APIP: variants seen among roughly 807,000 people sequenced by gnomAD.
The protein encoded by APIP is APAF1 interacting protein.
A neutral mutation model predicts 32.0 loss-of-function variants in APIP; 32 were observed. The ratio of observed to expected loss-of-function variants is 1.00; its 90% CI spans 0.76 to 1.34. The LOEUF is 1.34. Among genes scored for constraint, APIP ranks in the 40% most tolerant of loss-of-function variants. The pLI, the probability that APIP is intolerant of heterozygous loss-of-function variation, is 0.00. For synonymous variants in APIP, 92 were observed against 94.8 expected (o/e 0.97, Z 0.17); for missense variants, 247 against 298.6 (o/e 0.83, Z 1.27).
intron 3 of APIP, among the ~76,000 whole-genome samples, 199 bp from the exon 4 acceptor site, chr11:34,889,068 T>C (rs112521169): frequency 6.6e-6 from 1 of 152,046 alleles, no homozygotes; most frequent in African/African-American, 2.4e-5. Context: ...TATATAATTA[T>C]AGTTTCTCAA....
intron 1 of APIP, among the ~76,000 whole-genome samples, chr11:34,914,193 A>C (rs943426903): frequency 6.6e-6 from 1 of 152,186 alleles, no homozygotes; most frequent in African/African-American, 2.4e-5. Context: ...TCATATCGTC[A>C]TATGTCAAAC....
intron 1 of APIP, among the ~76,000 whole-genome samples, chr11:34,900,696 A>AG (rs1463848046): frequency 2.0e-5 from 3 of 152,124 alleles, no homozygotes; most frequent in Non-Finnish European, 4.4e-5. Flanking sequence ...GAGATAGGGA[A>AG]GGTGAGGAAG....
chr11:34,903,366 A>G (rs1448093967), intron 1 of APIP, among the ~76,000 whole-genome samples: 1 of 152,252 alleles, frequency 6.6e-6, no homozygotes, highest in African/African-American at 2.4e-5. Flanking sequence ...CTCTCCCTCC[A>G]GGCACAAGTG....
chr11:34,890,444 T>A, intron 3 of APIP, 60 bp downstream of exon 3: 1 of 1,474,020 alleles, frequency 6.8e-7, no homozygotes, highest in Non-Finnish European at 9.2e-7. Flanking sequence ...ATTAATTCCA[T>A]TTCATAAAAC....
intron 1 of APIP, among the ~76,000 whole-genome samples, chr11:34,900,566 A>C (rs1459368826): frequency 7.9e-5 from 12 of 152,110 alleles, no homozygotes; most frequent in Non-Finnish European, 1.8e-4. Context: ...ACATAGAGGG[A>C]TGTTACGTTG....
At chr11:34,900,601 G>A (rs1480071827) in intron 1 of APIP, among the ~76,000 whole-genome samples, 1 of 152,076 alleles carries the variant, frequency 6.6e-6, no homozygotes, top group Non-Finnish European at 1.5e-5. Flanking sequence ...CCTCACTGAA[G>A]CTGAAAAGCA....
intron 1 of APIP, among the ~76,000 whole-genome samples, chr11:34,903,937 C>T (rs1853403444): frequency 6.6e-6 from 1 of 152,172 alleles, no homozygotes; most frequent in Admixed American, 6.5e-5. Flanking sequence ...TCAACGTGCC[C>T]AGAGATTGTT....
At position 34,888,816 on chromosome 11, in the gene APIP, C is replaced by A; in HGVS notation, c.261G>T (p.Ser87=). 1 of 1,519,804 alleles carries A rather than the reference C, an allele frequency of 6.6e-7. No homozygotes were observed. The highest frequency in any genetic ancestry group is 8.7e-7 in the Non-Finnish European group (1 of 1,147,520). 94.1% of individuals were successfully genotyped at this position (1,519,804 alleles called of 1,614,324 possible). ...GGCTTTTTTTTAGCTTCTTCGATGG[C>A]GAAGGTCCACTTATGTCCTTTTCAT... The part of the protein sequence containing the change: ...DINEKDISGP[S]PSKKLKKSQC... Residue 87 remains serine (S), a synonymous_variant, in exon 4 of 7, where the codon TCG becomes TCT. Transcript: ENST00000395787.
At chr11:34,906,425 A>C (rs1035663484) in intron 1 of APIP, among the ~76,000 whole-genome samples, 1 of 152,220 alleles carries the variant, frequency 6.6e-6, no homozygotes, top group Non-Finnish European at 1.5e-5. Context: ...TGCACATGAC[A>C]ATCCCATCTT....
chr11:34,907,912 T>C (rs1016848021), intron 1 of APIP, among the ~76,000 whole-genome samples: 2 of 152,152 alleles, frequency 1.3e-5, no homozygotes, highest in Non-Finnish European at 2.9e-5. Context: ...GCCTGGCTTG[T>C]CTCCGAGATA....
chr11:34,890,381 T>C lies in APIP; in HGVS notation c.207+123A>G. The C allele has an allele frequency of 6.9e-6, 6 of 867,308 alleles. No homozygotes were observed. In the South Asian group the frequency reaches 1.1e-4, roughly 16 times the overall value. 53.7% of individuals were successfully genotyped at this position (867,308 alleles called of 1,614,324 possible). ...ACATTTAATAATTACTCAATAAATG[T>C]TTGCTGATTAGTTATTCAAATTGCT... On this transcript the variant is annotated intron_variant, in intron 3 of 6. Coordinates refer to ENST00000395787, the MANE Select transcript of APIP (RefSeq NM_015957.4).
chr11:34,888,605 G>A, intron 4 of APIP, 147 bp downstream of exon 4: 8 of 1,096,756 alleles, frequency 7.3e-6, no homozygotes, highest in Non-Finnish European at 1.0e-5. Flanking sequence ...TTCCTCATAG[G>A]TTGATGTGAG....
chr11:34,888,307 G>A lies in APIP; in HGVS notation c.447C>T (p.Ser149=), dbSNP rs61752304. 1,958 of 1,594,110 alleles carry A rather than the reference G, an allele frequency of 1.2e-3. 5 individuals carry two copies. Among genetic ancestry groups the A allele is most frequent in the Non-Finnish European group, 1.6e-3 (1,826 of 1,173,482 alleles). Residue 149 remains serine, a synonymous_variant, in exon 5 of 7, where the codon TCC becomes TCT. Coordinates refer to ENST00000395787, the MANE Select transcript of APIP (RefSeq NM_015957.4). ...EMIKGIKKCT[S]GGYYRYDDML... is the part of the protein sequence containing the mutation. ...AAAAAAAATACCTATAATACCCTCC[G>A]GAAGTACATTTCTTTATTCCTTTTA...
chr11:34,906,665 G>A (rs1190079771), intron 1 of APIP, among the ~76,000 whole-genome samples: 3 of 152,196 alleles, frequency 2.0e-5, no homozygotes, highest in African/African-American at 4.8e-5. Context: ...AGGTACCTGT[G>A]CACTTATAAA....
chr11:34,913,176 A>G (rs540122194), intron 1 of APIP, among the ~76,000 whole-genome samples: 1 of 152,234 alleles, frequency 6.6e-6, no homozygotes, highest in Non-Finnish European at 1.5e-5. Context: ...TTTTAACTCT[A>G]GCCAGCAATC....
At chr11:34,897,053 T>C (rs1229553728) in intron 1 of APIP, among the ~76,000 whole-genome samples, 1 of 152,178 alleles carries the variant, frequency 6.6e-6, no homozygotes, top group African/African-American at 2.4e-5. Context: ...AAAACATCTT[T>C]GAGTTCAAAA....
intron 3 of APIP, 30 bp downstream of exon 3, chr11:34,890,474 C>T (rs768231012): frequency 1.3e-6 from 2 of 1,583,042 alleles, no homozygotes; most frequent in South Asian, 2.3e-5. Flanking sequence ...GAAGAAAAGA[C>T]ACTGAGGTTA....
chr11:34,913,684 G>A (rs546851916), intron 1 of APIP, among the ~76,000 whole-genome samples: 68 of 152,294 alleles, frequency 4.5e-4, no homozygotes, highest in South Asian at 2.3e-3. Flanking sequence ...GAAGGTGACC[G>A]AGGGGGGTTG....
intron 1 of APIP, among the ~76,000 whole-genome samples, chr11:34,895,766 A>G (rs957456179): frequency 1.3e-5 from 2 of 152,202 alleles, no homozygotes; most frequent in Non-Finnish European, 2.9e-5. Flanking sequence ...ACAGATAAAT[A>G]TCAAGTGTTA....
Sources: gnomAD v4.1 joint callset for allele counts (sites outside exome capture counted in the v4.1 genomes callset) on GRCh38, gnomAD v4.1.1 for gene constraint, MANE v1.5 for transcripts, NCBI Gene and HGNC (gene_info 2026-07-23, HGNC 2026-07-21) for gene names.